Variants in CCDC102B observed in about 807,000 individuals in gnomAD.
The protein encoded by CCDC102B is coiled-coil domain containing 102B.
CCDC102B carries 75 observed loss-of-function variants against 57.4 expected under a neutral mutation model. The ratio of observed to expected loss-of-function variants is 1.31; its 90% CI spans 1.08 to 1.58. The LOEUF is 1.58. Ranked by LOEUF, CCDC102B falls within the 40% of genes most tolerant of loss-of-function variation. CCDC102B has a pLI of 0.00. For synonymous variants in CCDC102B, 206 were observed against 201.9 expected (o/e 1.02, Z -0.17); for missense variants, 636 against 582.6 (o/e 1.09, Z -0.94).
chr18:68,805,104 T>G (rs561929104), intron 1 of CCDC102B, among the ~76,000 whole-genome samples: 1 of 152,232 alleles, frequency 6.6e-6, no homozygotes, highest in African/African-American at 2.4e-5. Context: ...ATTAGACACA[T>G]AGATATGATG....
chr18:68,790,494 T>C (rs533887908), intron 2 of CCDC102B, among the ~76,000 whole-genome samples: 11 of 151,980 alleles, frequency 7.2e-5, no homozygotes, highest in Admixed American at 2.0e-4. Context: ...TCCGAGGGCG[T>C]AGGACCCTCC....
chr18:68,735,190 T>C (rs1336455752), intron 2 of CCDC102B, among the ~76,000 whole-genome samples: 4 of 151,208 alleles, frequency 2.6e-5, no homozygotes, highest in African/African-American at 4.9e-5. Flanking sequence ...TAACTGAGAC[T>C]ACAGGCGTGC....
chr18:69,046,877 G>C (rs1599897867), intron 7 of CCDC102B, among the ~76,000 whole-genome samples: 1 of 151,938 alleles, frequency 6.6e-6, no homozygotes, highest in Non-Finnish European at 1.5e-5. Flanking sequence ...GCTCATTTTT[G>C]TCAGCTTTGT....
At chr18:68,984,632 G>C (rs1019218251) in intron 6 of CCDC102B, among the ~76,000 whole-genome samples, 2 of 152,066 alleles carry the variant, frequency 1.3e-5, no homozygotes, top group East Asian at 3.9e-4. Context: ...TAGGTACAGA[G>C]ATAAATTTAT....
intron 1 of CCDC102B, among the ~76,000 whole-genome samples, chr18:68,805,175 C>T (rs749944266): frequency 2.5e-4 from 38 of 152,172 alleles, no homozygotes; most frequent in Middle Eastern, 3.4e-3. Flanking sequence ...ATAGAAAAAC[C>T]CCCGCAATCT....
intron 6 of CCDC102B, among the ~76,000 whole-genome samples, chr18:68,956,126 T>G (rs2049839817): frequency 6.6e-6 from 1 of 151,260 alleles, no homozygotes; most frequent in African/African-American, 2.4e-5. Flanking sequence ...CCACCCATGT[T>G]GTTGCAAATG....
chr18:68,821,384 AAATAT>A (rs1339175184), intron 1 of CCDC102B, among the ~76,000 whole-genome samples: 4 of 151,054 alleles, frequency 2.6e-5, no homozygotes, highest in Non-Finnish European at 5.9e-5. Context: ...TTAATTTTAT[AAATAT>A]AATATCTTTA....
At position 69,030,076 on chromosome 18, in the gene CCDC102B, A is replaced by G. The variant is rs1344806568; in HGVS notation, c.1434+18972A>G. On this transcript the variant is annotated intron_variant, in intron 7 of 7. Transcript: ENST00000360242. Reference sequence around the variant, plus strand: ...AAATTATTTTTTTCTTTATATTTCAATACTGCTTATTAGGTACCTCACACT... The same window carrying G: ...AAATTATTTTTTTCTTTATATTTCAGTACTGCTTATTAGGTACCTCACACT... 2.0e-5 allele frequency among the ~76,000 whole-genome samples: 3 copies of G among 152,290 alleles called. No individual in the cohort carries two copies. The South Asian group carries it at 6.2e-4, about 32-fold the overall frequency.
chr18:68,765,275 G>C (rs1254483573), intron 2 of CCDC102B, among the ~76,000 whole-genome samples: 1 of 135,420 alleles, frequency 7.4e-6, no homozygotes, highest in East Asian at 2.2e-4. Flanking sequence ...GAGAGAAAGA[G>C]AAAGAAAGAA....
At chr18:69,031,056 C>T (rs1433944924) in intron 7 of CCDC102B, among the ~76,000 whole-genome samples, 1 of 152,140 alleles carries the variant, frequency 6.6e-6, no homozygotes, top group African/African-American at 2.4e-5. Flanking sequence ...CATATAAATG[C>T]ATTCAGGTGC....
At chr18:68,871,031 A>G (rs963816762) in intron 4 of CCDC102B, among the ~76,000 whole-genome samples, 9 of 152,198 alleles carry the variant, frequency 5.9e-5, no homozygotes, top group Admixed American at 5.9e-4. Flanking sequence ...ATATTTATAT[A>G]TAGTACTGAT....
chr18:68,889,204 G>A (rs2039989968), intron 5 of CCDC102B, among the ~76,000 whole-genome samples: 1 of 152,108 alleles, frequency 6.6e-6, no homozygotes, highest in Non-Finnish European at 1.5e-5. Context: ...TGGGATGTTT[G>A]GAAAGTGATT....
chr18:68,797,972 T>A (rs1276444306), upstream of CCDC102B: 1 of 152,074 alleles, frequency 6.6e-6, no homozygotes, highest in Non-Finnish European at 1.5e-5. Context: ...TCAATGGTGA[T>A]CCAAAGAGGG....
chr18:68,863,773 G>C (rs1284173017), intron 4 of CCDC102B, among the ~76,000 whole-genome samples: 1 of 151,778 alleles, frequency 6.6e-6, no homozygotes, highest in East Asian at 1.9e-4. Flanking sequence ...TATTGGATGT[G>C]TTTCAATCTA....
chr18:68,785,224 T>A (rs1383953481), intron 2 of CCDC102B, among the ~76,000 whole-genome samples: 2 of 151,944 alleles, frequency 1.3e-5, no homozygotes, highest in African/African-American at 4.8e-5. Flanking sequence ...ATCCAGTCTA[T>A]CATTGTTGGA....
chr18:68,725,428 C>CT (rs2032551307), intron 2 of CCDC102B, among the ~76,000 whole-genome samples: 1 of 152,224 alleles, frequency 6.6e-6, no homozygotes, highest in Non-Finnish European at 1.5e-5. Context: ...TCAGAAGGCT[C>CT]TGCTCCTTTT....
At chr18:69,036,671 A>G (rs2145459014) in intron 7 of CCDC102B, among the ~76,000 whole-genome samples, 1 of 152,198 alleles carries the variant, frequency 6.6e-6, no homozygotes, top group East Asian at 1.9e-4. Flanking sequence ...GAATAAAATG[A>G]ATACCCCTGC....
At chr18:68,834,432 C>CATATATATATATATAT (rs67872866) in intron 1 of CCDC102B, among the ~76,000 whole-genome samples, 2,334 of 137,432 alleles carry the variant, frequency 0.017, 34 homozygotes, top group African/African-American at 0.027. Flanking sequence ...TATGTAAATA[C>CATATATATATATATAT]ATATATATAT....
intron 2 of CCDC102B, among the ~76,000 whole-genome samples, chr18:68,732,929 A>G (rs1357934769): frequency 1.3e-5 from 2 of 152,292 alleles, no homozygotes; most frequent in East Asian, 1.9e-4. Context: ...GCGGACTTCC[A>G]TAGACTGATT....
Sources: gnomAD v4.1 joint callset for allele counts (sites outside exome capture counted in the v4.1 genomes callset) on GRCh38, gnomAD v4.1.1 for gene constraint, MANE v1.5 for transcripts, NCBI Gene and HGNC (gene_info 2026-07-23, HGNC 2026-07-21) for gene names.